Variants in AUTS2 observed in about 807,000 individuals in gnomAD.
AUTS2 encodes the protein activator of transcription and developmental regulator AUTS2.
In AUTS2, 17 loss-of-function variants were observed where a neutral mutation model predicts 112.4. The ratio of observed to expected loss-of-function variants is 0.15; its 90% confidence interval spans 0.10 to 0.23. The LOEUF is 0.23. AUTS2 is among the 10% of genes least tolerant of loss of function. The pLI is 1.00. For synonymous variants in AUTS2, 751 were observed against 702.7 expected (o/e 1.07, Z -1.09); for missense variants, 1,510 against 1,701.6 (o/e 0.89, Z 1.98).
rs765621193 is a variant in AUTS2, at chr7:70,118,133, T to C, written c.524T>C (p.Leu175Pro). Residue 175 changes from leucine to proline, a missense_variant and splice_region_variant, in exon 3 of 19, where the codon CTC becomes CCC. Transcript: ENST00000342771. ...TTTTCTCTTTTCTTTTGCCTTTAGC[T>C]CAAGCCAGGACAGAACAGCTGCAGG... is the stretch of plus-strand genomic sequence containing the variant. ...RKKMPKALRQ[L>P]KPGQNSCRDS... is the part of the protein sequence containing the mutation. The C allele has an allele frequency of 1.9e-6, 3 of 1,577,752 alleles. No homozygotes were observed. The highest frequency in any genetic ancestry group is 2.6e-6 in the Non-Finnish European group (3 of 1,168,676).
At chr7:70,054,664 A>G (rs906245449) in intron 2 of AUTS2, among the ~76,000 whole-genome samples, 4 of 152,182 alleles carry the variant, frequency 2.6e-5, no homozygotes, top group African/African-American at 9.7e-5. Flanking sequence ...CTAAATACAC[A>G]AAAAAACTGC....
intron 1 of AUTS2, among the ~76,000 whole-genome samples, chr7:69,747,463 G>A (rs1482918695): frequency 6.6e-6 from 1 of 152,152 alleles, no homozygotes; most frequent in Non-Finnish European, 1.5e-5. Context: ...ATGTGGTGGA[G>A]GTAAAATATG....
chr7:70,109,324 C>A (rs752890113), intron 2 of AUTS2, among the ~76,000 whole-genome samples: 2 of 152,056 alleles, frequency 1.3e-5, no homozygotes, highest in Non-Finnish European at 2.9e-5. Flanking sequence ...TCCTTCAACA[C>A]ATTATTTTTT....
intron 4 of AUTS2, among the ~76,000 whole-genome samples, chr7:70,337,289 T>C (rs1196136051): frequency 6.6e-6 from 1 of 152,224 alleles, no homozygotes; most frequent in Admixed American, 6.5e-5. Flanking sequence ...AAAGTTAGGC[T>C]TCAAAATACC....
chr7:69,900,385 A>C (rs1181622580), intron 2 of AUTS2, among the ~76,000 whole-genome samples: 1 of 152,220 alleles, frequency 6.6e-6, no homozygotes, highest in Non-Finnish European at 1.5e-5. Flanking sequence ...TAGAGGTGGA[A>C]TAGGTAATTT....
At chr7:70,415,302 T>C (rs1320364653) in intron 4 of AUTS2, among the ~76,000 whole-genome samples, 1 of 152,202 alleles carries the variant, frequency 6.6e-6, no homozygotes, top group Non-Finnish European at 1.5e-5. Flanking sequence ...CCTCTCTGAT[T>C]TTTTCATTAT....
chr7:69,766,488 G>A (rs1788426033), intron 1 of AUTS2, among the ~76,000 whole-genome samples: 1 of 152,128 alleles, frequency 6.6e-6, no homozygotes, highest in African/African-American at 2.4e-5. Flanking sequence ...TGGATCATAT[G>A]GTAATTCTAT....
intron 4 of AUTS2, among the ~76,000 whole-genome samples, chr7:70,359,884 G>A (rs1025062523): frequency 1.3e-5 from 2 of 152,196 alleles, no homozygotes; most frequent in African/African-American, 4.8e-5. Context: ...TTTTAACAAT[G>A]AGAATTCTGA....
intron 1 of AUTS2, among the ~76,000 whole-genome samples, chr7:69,721,430 C>G (rs1261349755): frequency 6.6e-6 from 1 of 152,208 alleles, no homozygotes; most frequent in Non-Finnish European, 1.5e-5. Flanking sequence ...TATCACCTCA[C>G]ACATGGTTGT....
chr7:70,686,778 C>G (rs1808493400), intron 5 of AUTS2, among the ~76,000 whole-genome samples: 1 of 152,122 alleles, frequency 6.6e-6, no homozygotes. Context: ...GGTGATCTGC[C>G]CACCTCGGTC....
chr7:70,617,471 G>A (rs1238799088), intron 5 of AUTS2, among the ~76,000 whole-genome samples: 2 of 152,128 alleles, frequency 1.3e-5, no homozygotes, highest in East Asian at 3.9e-4. Flanking sequence ...GACCATCCTG[G>A]CTAACATGGT....
intron 5 of AUTS2, among the ~76,000 whole-genome samples, chr7:70,533,350 G>A (rs565963781): frequency 2.0e-5 from 3 of 152,218 alleles, no homozygotes; most frequent in South Asian, 2.1e-4. Context: ...CTGGGCACAC[G>A]CGATCCTCAC....
At chr7:69,788,954 A>C (rs1224098829) in intron 1 of AUTS2, among the ~76,000 whole-genome samples, 1 of 152,150 alleles carries the variant, frequency 6.6e-6, no homozygotes, top group Non-Finnish European at 1.5e-5. Flanking sequence ...GTTTTCCAAC[A>C]ACAGGAAACA....
At chr7:70,419,640 A>T (rs1414198898) in intron 4 of AUTS2, among the ~76,000 whole-genome samples, 3 of 152,212 alleles carry the variant, frequency 2.0e-5, no homozygotes, top group African/African-American at 7.2e-5. Context: ...TGAGCTAGAC[A>T]GTATGGAAAA....
chr7:70,765,603 T>G (rs1789887269), intron 8 of AUTS2, among the ~76,000 whole-genome samples: 1 of 152,176 alleles, frequency 6.6e-6, no homozygotes, highest in Non-Finnish European at 1.5e-5. Context: ...CAGAGAGCCA[T>G]ATAGCAGTAA....
intron 3 of AUTS2, among the ~76,000 whole-genome samples, chr7:70,121,653 T>C (rs996556120): frequency 1.3e-5 from 2 of 152,190 alleles, no homozygotes; most frequent in Non-Finnish European, 2.9e-5. Context: ...AGGATGGTTA[T>C]GCTTTTAAAA....
chr7:70,504,553 G>A (rs946937406), intron 5 of AUTS2, among the ~76,000 whole-genome samples: 2 of 151,462 alleles, frequency 1.3e-5, no homozygotes, highest in African/African-American at 4.9e-5. Flanking sequence ...ATGCAGGAAG[G>A]AAGGGGACCG....
chr7:70,685,428 G>A (rs1464849837), intron 5 of AUTS2, among the ~76,000 whole-genome samples: 9 of 135,664 alleles, frequency 6.6e-5, no homozygotes, highest in South Asian at 2.3e-4. Context: ...AGCAGAAATC[G>A]CACCACCACA....
chr7:69,835,555 G>T lies in AUTS2; in HGVS notation c.310-63731G>T, dbSNP rs115551634. Among the ~76,000 whole-genome samples, 445 of 152,216 alleles carry T rather than the reference G, an allele frequency of 2.9e-3. 5 individuals carry two copies. The highest frequency in any genetic ancestry group is 0.01 in the African/African-American group (431 of 41,542). On this transcript the variant is annotated intron_variant, in intron 1 of 18. Coordinates refer to ENST00000342771, the MANE Select transcript of AUTS2 (RefSeq NM_015570.4). ...TCTTTTGATTCAGTGTTGAAGATTT[G>T]TGTCAAGAGACTCCCAAACCATAAT...
Sources: gnomAD v4.1 joint callset for allele counts (sites outside exome capture counted in the v4.1 genomes callset) on GRCh38, gnomAD v4.1.1 for gene constraint, MANE v1.5 for transcripts, NCBI Gene and HGNC (gene_info 2026-07-23, HGNC 2026-07-21) for gene names.